Variants in WDR59 observed in about 807,000 individuals in gnomAD.
WDR59 encodes the protein WD repeat domain 59.
In WDR59, 100 loss-of-function variants were observed where a neutral mutation model predicts 131.2. The observed-to-expected ratio is 0.76, with a 90% CI of 0.65 to 0.90. The LOEUF (loss-of-function observed/expected upper bound fraction) is 0.90, where lower values mean the gene tolerates loss of function less well. WDR59 is among the 40% of genes least tolerant of loss of function. The probability of loss-of-function intolerance (pLI) is 0.00; values close to 1 mark genes in which losing one functional copy is unlikely to be tolerated. For synonymous variants in WDR59, 601 were observed against 466.2 expected (o/e 1.29, Z -3.72); for missense variants, 1,203 against 1,262.2 (o/e 0.95, Z 0.71).
chr16:74,904,482 A>G (rs1965705151), intron 17 of WDR59: 1 of 196,006 alleles, frequency 5.1e-6, no homozygotes, highest in South Asian at 8.5e-5. Context: ...AATTTTTGAA[A>G]ATGTGCGTGA....
intron 1 of WDR59, among the ~76,000 whole-genome samples, chr16:74,980,137 G>C (rs556358098): frequency 6.6e-6 from 1 of 151,806 alleles, no homozygotes; most frequent in Admixed American, 6.6e-5. Context: ...GGAGTTATAC[G>C]CGTGAGCCAC....
At chr16:74,912,422 A>G in intron 13 of WDR59, 60 bp from the exon 14 acceptor site, 4 of 1,560,980 alleles carry the variant, frequency 2.6e-6, no homozygotes, top group Non-Finnish European at 3.5e-6. Context: ...TTTCGATGCA[A>G]GCACATTTAA....
At chr16:74,922,921 T>A (rs932270418) in intron 9 of WDR59, among the ~76,000 whole-genome samples, 1 of 152,238 alleles carries the variant, frequency 6.6e-6, no homozygotes, top group Non-Finnish European at 1.5e-5. Flanking sequence ...GACAGCCCAA[T>A]GTATAAAGGT....
intron 8 of WDR59, among the ~76,000 whole-genome samples, chr16:74,927,017 A>C (rs191806954): frequency 2.6e-5 from 4 of 152,346 alleles, no homozygotes; most frequent in Admixed American, 2.6e-4. Flanking sequence ...AGCACAGCAC[A>C]TATGAACGGG....
At chr16:74,928,396 T>G (rs1279176022) in intron 8 of WDR59, among the ~76,000 whole-genome samples, 1 of 151,568 alleles carries the variant, frequency 6.6e-6, no homozygotes, top group Non-Finnish European at 1.5e-5. Context: ...TTTTTTATTT[T>G]TCTATAGAGA....
intron 8 of WDR59, 68 bp downstream of exon 8, chr16:74,938,082 G>T: frequency 2.7e-6 from 3 of 1,114,300 alleles, no homozygotes; most frequent in Non-Finnish European, 3.8e-6. Context: ...TTCCAACCAA[G>T]GTGGAATCAT....
At chr16:74,962,039 A>G (rs2033589094) in intron 2 of WDR59, among the ~76,000 whole-genome samples, 1 of 152,164 alleles carries the variant, frequency 6.6e-6, no homozygotes, top group South Asian at 2.1e-4. Context: ...CCACTTGTTA[A>G]ACAGGGAATC....
chr16:74,981,651 T>TACAC (rs2034427237), intron 1 of WDR59, among the ~76,000 whole-genome samples: 3 of 6,006 alleles, frequency 5.0e-4, no homozygotes, highest in African/African-American at 6.3e-4. Flanking sequence ...TATATATATA[T>TACAC]ATATATATAT....
intron 4 of WDR59, among the ~76,000 whole-genome samples, chr16:74,950,860 G>A (rs2032952244): frequency 6.6e-6 from 1 of 151,850 alleles, no homozygotes. Context: ...CTCCTATGTT[G>A]AAAATCAGCT....
intron 24 of WDR59, 78 bp from the exon 25 acceptor site, chr16:74,885,873 C>T: frequency 6.5e-7 from 1 of 1,538,542 alleles, no homozygotes; most frequent in South Asian, 1.3e-5. Context: ...CTTAATATAC[C>T]CTTCTTAAAG....
rs142760193 is a variant in WDR59, at chr16:74,923,981, C to T, written c.674G>A (p.Arg225Gln). 6.2e-6 allele frequency: 10 copies of T among 1,613,374 alleles called. No individual in the cohort carries two copies. Among genetic ancestry groups the T allele is most frequent in the African/African-American group, 1.3e-5 (1 of 74,874 alleles). ...GCAAGGAAGAATATTGAGGTATTTC[C>T]GAGGCTGGCGGTAATCCCAGAACTA... ...SVKFWDYRQP[R>Q]KYLNILPCQV... Residue 225 changes from arginine (R) to glutamine (Q), a missense_variant, in exon 9 of 26, where the codon CGG becomes CAG. Coordinates refer to ENST00000262144, the MANE Select transcript of WDR59 (RefSeq NM_030581.4).
intron 18 of WDR59, among the ~76,000 whole-genome samples, chr16:74,900,335 G>T (rs947120146): frequency 8.5e-5 from 13 of 152,206 alleles, no homozygotes; most frequent in Non-Finnish European, 1.6e-4. Flanking sequence ...GAAACGGGGG[G>T]AAGGAAGGGG....
At position 74,979,967 on chromosome 16, in the gene WDR59, G is replaced by A. The variant is rs866612842; in HGVS notation, c.54+4997C>T. On this transcript the variant is annotated intron_variant, in intron 1 of 25. Transcript: ENST00000262144. ...GGGCTCAAGCAATTCTCCTCCCTCA[G>A]CCTCCCGAGTAGCTGGGATGACAGG... Among the ~76,000 whole-genome samples, 41 of 147,398 alleles carry A rather than the reference G, an allele frequency of 2.8e-4. No homozygotes were observed. The Middle Eastern group carries it at 0.014, about 52-fold the overall frequency.
chr16:74,931,743 T>C lies in WDR59; in HGVS notation c.651+6407A>G, dbSNP rs117735725. 6.4e-4 allele frequency among the ~76,000 whole-genome samples: 97 copies of C among 152,158 alleles called. No homozygotes were observed. In the East Asian group the frequency reaches 0.016, roughly 25 times the overall value. On this transcript the variant is annotated intron_variant, in intron 8 of 25. Coordinates refer to ENST00000262144, the MANE Select transcript of WDR59 (RefSeq NM_030581.4). ...TCAAAAATTAGCCAGGCATTGTGGCTTGCACCTGTAGTCCCAGCTACTCTG... is the reference window on the plus strand; with the variant it reads ...TCAAAAATTAGCCAGGCATTGTGGCCTGCACCTGTAGTCCCAGCTACTCTG...
At chr16:74,911,405 C>T (rs72798635) in intron 14 of WDR59, among the ~76,000 whole-genome samples, 2,348 of 152,248 alleles carry the variant, frequency 0.015, 25 homozygotes, top group Non-Finnish European at 0.024. Context: ...GTCCACGACC[C>T]AAACTGGACA....
At chr16:74,942,397 C>A (rs1401290093) in intron 7 of WDR59, among the ~76,000 whole-genome samples, 1 of 152,124 alleles carries the variant, frequency 6.6e-6, no homozygotes, top group Non-Finnish European at 1.5e-5. Context: ...CGCCTGGGCT[C>A]CACGGCTTAA....
intron 25 of WDR59, among the ~76,000 whole-genome samples, chr16:74,881,258 T>C (rs533832375): frequency 1.1e-3 from 173 of 152,324 alleles, no homozygotes; most frequent in African/African-American, 4.0e-3. Flanking sequence ...TCTGTGGATA[T>C]GGGATGACCC....
chr16:74,937,893 C>T (rs1269559387), intron 8 of WDR59, among the ~76,000 whole-genome samples: 1 of 152,218 alleles, frequency 6.6e-6, no homozygotes, highest in African/African-American at 2.4e-5. Context: ...AGAGACGTAT[C>T]AGAGGAGATG....
chr16:74,914,612 G>C (rs1038107068), intron 13 of WDR59, among the ~76,000 whole-genome samples: 50 of 136,094 alleles, frequency 3.7e-4, no homozygotes, highest in African/African-American at 1.2e-3. Flanking sequence ...TTTTTTTTTC[G>C]AGACGGAGTC....
Sources: allele counts gnomAD v4.1 joint callset (sites outside exome capture counted in the v4.1 genomes callset), GRCh38; gene constraint gnomAD v4.1.1; transcripts MANE v1.5; gene names NCBI Gene and HGNC (gene_info 2026-07-23, HGNC 2026-07-21).